The following NRXN3 variants were observed in gnomAD, a reference collection of about 807,000 sequenced individuals.
NRXN3 encodes neurexin 3, also known as neurexin III.
Under a neutral mutation model 137.6 loss-of-function variants are expected in NRXN3, and 32 were observed. The observed-to-expected ratio is 0.23, with a 90% CI of 0.18 to 0.31. NRXN3 has a LOEUF of 0.31. Among genes scored for constraint, NRXN3 ranks in the 10% least tolerant of loss-of-function variants. The pLI is 1.00. For synonymous variants in NRXN3, 798 were observed against 784.5 expected (o/e 1.02, Z -0.29); for missense variants, 1,574 against 2,062.5 (o/e 0.76, Z 4.59).
At chr14:79,548,480 A>G (rs1445644133) in intron 16 of NRXN3, among the ~76,000 whole-genome samples, 1 of 152,100 alleles carries the variant, frequency 6.6e-6, no homozygotes, top group African/African-American at 2.4e-5. Flanking sequence ...GCTATTGTGA[A>G]CAGTGCTACA....
chr14:78,399,588 C>T (rs183567555), intron 4 of NRXN3, among the ~76,000 whole-genome samples: 1 of 152,148 alleles, frequency 6.6e-6, no homozygotes, highest in African/African-American at 2.4e-5. Context: ...TCTGTTTAAC[C>T]TTTTTAAATA....
At chr14:79,262,749 C>G (rs575034634) in intron 15 of NRXN3, among the ~76,000 whole-genome samples, 1 of 152,116 alleles carries the variant, frequency 6.6e-6, no homozygotes, top group Non-Finnish European at 1.5e-5. Flanking sequence ...GCCTTCAAAG[C>G]AAAGAGAGAG....
chr14:79,500,255 A>C (rs2096810653), intron 16 of NRXN3, among the ~76,000 whole-genome samples: 1 of 148,726 alleles, frequency 6.7e-6, no homozygotes, highest in Admixed American at 6.7e-5. Context: ...AAAAAAAAAA[A>C]ACCCATAGGA....
chr14:79,611,316 A>T (rs1219923870), intron 16 of NRXN3: 1 of 152,248 alleles, frequency 6.6e-6, no homozygotes, highest in Non-Finnish European at 1.5e-5. Flanking sequence ...GACACGTATC[A>T]TTTAAAAAGA....
intron 20 of NRXN3, among the ~76,000 whole-genome samples, chr14:79,847,534 A>G (rs2099381895): frequency 1.3e-5 from 2 of 152,160 alleles, no homozygotes; most frequent in African/African-American, 4.8e-5. Context: ...TTCTTATTCA[A>G]AAAGATCAAA....
chr14:79,404,074 C>T (rs1021359040), intron 15 of NRXN3, among the ~76,000 whole-genome samples: 5 of 152,092 alleles, frequency 3.3e-5, no homozygotes, highest in African/African-American at 1.2e-4. Flanking sequence ...ACACCAAAAG[C>T]GATTACAACA....
chr14:79,180,983 A>T (rs1237819141), intron 15 of NRXN3, among the ~76,000 whole-genome samples: 1 of 151,896 alleles, frequency 6.6e-6, no homozygotes, highest in Non-Finnish European at 1.5e-5. Context: ...ACAGAAAACC[A>T]ACCAACTATG....
chr14:79,080,926 T>C (rs2046867551), intron 15 of NRXN3, among the ~76,000 whole-genome samples: 1 of 152,230 alleles, frequency 6.6e-6, no homozygotes, highest in African/African-American at 2.4e-5. Context: ...ATACATTATA[T>C]AATCCGGTGG....
chr14:78,865,265 T>C (rs1228953582), intron 10 of NRXN3, among the ~76,000 whole-genome samples: 2 of 152,234 alleles, frequency 1.3e-5, no homozygotes, highest in Non-Finnish European at 2.9e-5. Context: ...GTTGTGAACT[T>C]TGAAATATAT....
intron 2 of NRXN3, among the ~76,000 whole-genome samples, chr14:78,256,432 G>A (rs2069617539): frequency 6.6e-6 from 1 of 152,250 alleles, no homozygotes; most frequent in African/African-American, 2.4e-5. Context: ...AAGGGGCACA[G>A]CAGGTGCCTT....
At chr14:79,076,228 A>C (rs2045947364) in intron 15 of NRXN3, among the ~76,000 whole-genome samples, 3 of 152,112 alleles carry the variant, frequency 2.0e-5, no homozygotes, top group Admixed American at 2.0e-4. Context: ...AATAATGGTG[A>C]CTAGAGAGGA....
intron 4 of NRXN3, among the ~76,000 whole-genome samples, chr14:78,610,293 A>G (rs775289565): frequency 6.6e-6 from 1 of 152,202 alleles, no homozygotes. Flanking sequence ...TAATAAGTTC[A>G]TTTTTATTAT....
At chr14:78,956,853 C>A (rs1301170954) in intron 10 of NRXN3, among the ~76,000 whole-genome samples, 1 of 152,134 alleles carries the variant, frequency 6.6e-6, no homozygotes, top group Non-Finnish European at 1.5e-5. Flanking sequence ...CCAAATTATT[C>A]TATAGAAAAA....
At chr14:78,182,216 G>A (rs2059869283) in intron 1 of NRXN3, among the ~76,000 whole-genome samples, 1 of 152,080 alleles carries the variant, frequency 6.6e-6, no homozygotes, top group Admixed American at 6.5e-5. Flanking sequence ...TTCACAATGG[G>A]TCTTGGAGAA....
At chr14:79,328,408 CA>C (rs1278586669) in intron 15 of NRXN3, among the ~76,000 whole-genome samples, 1 of 152,138 alleles carries the variant, frequency 6.6e-6, no homozygotes, top group Non-Finnish European at 1.5e-5. Flanking sequence ...CAGACATTAA[CA>C]AAACATTTTC....
intron 10 of NRXN3, among the ~76,000 whole-genome samples, chr14:78,941,987 G>A (rs1351487113): frequency 6.6e-6 from 1 of 152,128 alleles, no homozygotes; most frequent in African/African-American, 2.4e-5. Context: ...TTGCTTCTAG[G>A]CCAGAGAGTA....
At chr14:79,036,042 T>C (rs756293494) in intron 15 of NRXN3, among the ~76,000 whole-genome samples, 11 of 152,080 alleles carry the variant, frequency 7.2e-5, no homozygotes, top group Non-Finnish European at 1.3e-4. Flanking sequence ...CACTTTCTTC[T>C]TGAAATCAGA....
intron 10 of NRXN3, among the ~76,000 whole-genome samples, chr14:78,868,506 C>T (rs1051872849): frequency 4.0e-5 from 6 of 151,892 alleles, no homozygotes; most frequent in Non-Finnish European, 8.8e-5. Flanking sequence ...GTTTTGTTTC[C>T]ATCAAAGCCA....
At chr14:78,217,466 A>G (rs1350357558) in intron 1 of NRXN3, among the ~76,000 whole-genome samples, 2 of 152,196 alleles carry the variant, frequency 1.3e-5, no homozygotes, top group Non-Finnish European at 2.9e-5. Flanking sequence ...GAGAGCCTGC[A>G]ACAAGGAATT....
Sources: gnomAD v4.1 joint callset for allele counts (sites outside exome capture counted in the v4.1 genomes callset) on GRCh38, gnomAD v4.1.1 for gene constraint, MANE v1.5 for transcripts, NCBI Gene and HGNC (gene_info 2026-07-23, HGNC 2026-07-21) for gene names.